PACS2: variants seen among roughly 807,000 people sequenced by gnomAD.
The protein encoded by PACS2 is phosphofurin acidic cluster sorting protein 2.
A neutral mutation model predicts 113.0 loss-of-function variants in PACS2; 36 were observed. That is an observed-to-expected ratio of 0.32 (90% CI 0.24 to 0.42). The LOEUF is 0.42. Ranked by LOEUF, PACS2 falls within the 10% of genes least tolerant of loss-of-function variation. PACS2 has a pLI of 1.00. For synonymous variants in PACS2, 589 were observed against 536.1 expected, an observed-to-expected ratio of 1.10 and a Z score of -1.36; for missense variants, 1,015 against 1,239.5, an observed-to-expected ratio of 0.82 and a Z score of 2.72.
intron 7 of PACS2, 70 bp downstream of exon 7, chr14:105,368,609 T>G (rs2141152443): frequency 1.7e-6 from 2 of 1,195,302 alleles, no homozygotes; most frequent in Non-Finnish European, 2.5e-6. Flanking sequence ...AGCCTGGGCG[T>G]GGGGGGGACA....
chr14:105,334,421 T>C (rs2059423741), intron 1 of PACS2, among the ~76,000 whole-genome samples: 1 of 152,200 alleles, frequency 6.6e-6, no homozygotes, highest in South Asian at 2.1e-4. Flanking sequence ...CTTCACCCTC[T>C]TCCCTCTGTC....
At chr14:105,368,373 C>T in intron 6 of PACS2, 86 bp from the exon 7 acceptor site, 2 of 1,078,910 alleles carry the variant, frequency 1.9e-6, no homozygotes, top group East Asian at 2.4e-5. Flanking sequence ...TGCCGGGCCT[C>T]TCCCATCGCC....
intron 1 of PACS2, among the ~76,000 whole-genome samples, chr14:105,343,901 T>C (rs782052650): frequency 6.6e-6 from 1 of 151,826 alleles, no homozygotes; most frequent in Non-Finnish European, 1.5e-5. Flanking sequence ...AGTTCATATA[T>C]TTATATATTC....
chr14:105,385,122 C>T, intron 18 of PACS2, 135 bp downstream of exon 18: 1 of 653,248 alleles, frequency 1.5e-6, no homozygotes, highest in South Asian at 1.8e-5. Context: ...GAGCCTGGGC[C>T]AGCTGGGCAG....
intron 22 of PACS2, 184 bp downstream of exon 22, chr14:105,391,950 T>C: frequency 3.3e-6 from 2 of 599,824 alleles, no homozygotes; most frequent in Non-Finnish European, 5.8e-6. Context: ...GATCTGGTGT[T>C]TGGGGGCAGG....
intron 1 of PACS2, among the ~76,000 whole-genome samples, chr14:105,327,637 C>CA (rs1181484433): frequency 6.6e-6 from 1 of 152,220 alleles, no homozygotes; most frequent in Admixed American, 6.5e-5. Flanking sequence ...GTGGCAGGGG[C>CA]AGAGGACAGC....
At chr14:105,362,777 G>A (rs2060778479) in intron 4 of PACS2, among the ~76,000 whole-genome samples, 1 of 151,998 alleles carries the variant, frequency 6.6e-6, no homozygotes, top group Non-Finnish European at 1.5e-5. Flanking sequence ...CTTGAACCTG[G>A]GAGGCAGAGG....
At chr14:105,341,698 C>G (rs1555401623) in intron 1 of PACS2, among the ~76,000 whole-genome samples, 2 of 152,130 alleles carry the variant, frequency 1.3e-5, no homozygotes, top group Non-Finnish European at 2.9e-5. Flanking sequence ...TCTTTTTATT[C>G]CTTATTTTAT....
At chr14:105,350,889 G>T (rs1453835231) in intron 2 of PACS2, among the ~76,000 whole-genome samples, 1 of 152,238 alleles carries the variant, frequency 6.6e-6, no homozygotes, top group Non-Finnish European at 1.5e-5. Flanking sequence ...GAGGGGACAG[G>T]AGGGCTGGCC....
intron 8 of PACS2, chr14:105,374,819 T>C (rs1555410055): frequency 6.6e-6 from 1 of 152,242 alleles, no homozygotes; most frequent in Non-Finnish European, 1.5e-5. Flanking sequence ...GAAACACACC[T>C]TGTGGTGAAG....
intron 1 of PACS2, among the ~76,000 whole-genome samples, chr14:105,341,228 T>C (rs1468522799): frequency 1.3e-5 from 2 of 152,252 alleles, no homozygotes; most frequent in Non-Finnish European, 2.9e-5. Context: ...GAACTTTTCC[T>C]GTATGCCTCT....
rs1318601876 is a variant in PACS2, at chr14:105,348,361, C to T, written c.120-132C>T. The stretch of plus-strand genomic sequence containing the variant: ...TTGGAGCCCTGTGAGGTCCTGGGGC[C>T]GCCCAGGCAGTCACACCCCGCCCTG... On this transcript the variant is annotated intron_variant, in intron 1 of 24. Transcript: ENST00000447393. The surrounding 1 kb of genome is among the most constrained non-coding windows in gnomAD (Gnocchi z 6.4). The T allele has an allele frequency of 1.3e-5, 8 of 636,652 alleles. No homozygotes were observed. The highest frequency in any genetic ancestry group is 2.7e-5 in the Admixed American group (1 of 37,016). 39.4% of individuals were successfully genotyped at this position (636,652 alleles called of 1,614,324 possible).
intron 8 of PACS2, among the ~76,000 whole-genome samples, chr14:105,375,297 G>T (rs782655866): frequency 1.1e-4 from 17 of 152,086 alleles, no homozygotes; most frequent in Non-Finnish European, 2.2e-4. Context: ...GGCTAACACG[G>T]TGAAACCCCA....
At chr14:105,391,071 G>A (rs782553007) in intron 20 of PACS2, 136 bp from the exon 21 acceptor site, 15 of 690,758 alleles carry the variant, frequency 2.2e-5, no homozygotes, top group Non-Finnish European at 3.7e-5. Flanking sequence ...AGAAGGGCAG[G>A]AGGGAGCTGG....
chr14:105,357,077 C>T lies in PACS2; in HGVS notation c.423+1900C>T, dbSNP rs1438418001. 3.3e-5 allele frequency among the ~76,000 whole-genome samples: 5 copies of T among 152,180 alleles called. No individual in the cohort carries two copies. The highest frequency in any genetic ancestry group is 6.5e-5 in the Admixed American group (1 of 15,280). On this transcript the variant is annotated intron_variant, in intron 4 of 24. Coordinates refer to ENST00000447393, the MANE Select transcript of PACS2 (RefSeq NM_001100913.3). This position sits in a 1 kb window ranked among gnomAD's most constrained non-coding sequence, Gnocchi z 5.1. ...TGTGAGCTCCTGCCCCAGGCTGCTC[C>T]GCCCACATCTCTCAGTCTGCACCCC...
At position 105,396,059 on chromosome 14, in the gene PACS2, C is replaced by G. The variant is rs2081520065; in HGVS notation, c.*1387C>G. ...CCACCCTTGCTGGCCTGAGAGATGG[C>G]CCACATTTCTTACTTGTGACCGCCC... is the stretch of plus-strand genomic sequence containing the variant. On this transcript the variant is annotated 3_prime_UTR_variant, in exon 25 of 25. Transcript: ENST00000447393. The G allele has an allele frequency of 6.6e-6, 1 of 152,292 alleles. No homozygotes were observed. The highest frequency in any genetic ancestry group is 2.1e-4 in the South Asian group (1 of 4,838). The allele number at this position is 152,292 out of a possible 1,614,324, so 9.4% of individuals were successfully genotyped here. A position where few individuals can be genotyped will look rare whatever the true frequency, so the allele number is the denominator to read the frequency against.
rs587709709 is a variant in PACS2 at position 105,377,083 on chromosome 14, G to A, written c.959+158G>A. ...GGCTCTGGTGGCTGGAAGGAGGGGT[G>A]TGCGGCTGCCTGGCAGGCCCAGGCT... is the stretch of plus-strand genomic sequence containing the variant. On this transcript the variant is annotated intron_variant, in intron 9 of 24. Transcript: ENST00000447393. 1.7e-3 allele frequency among the ~76,000 whole-genome samples: 260 copies of A among 152,344 alleles called. 1 individual carries two copies. Among genetic ancestry groups the A allele is most frequent in the African/African-American group, 5.9e-3 (246 of 41,586 alleles).
upstream of PACS2, among the ~76,000 whole-genome samples, chr14:105,314,103 T>A (rs1397688717): frequency 6.6e-6 from 1 of 152,058 alleles, no homozygotes; most frequent in Non-Finnish European, 1.5e-5. Flanking sequence ...GCGCCCCGAG[T>A]GGCTTCGAGT....
intron 1 of PACS2, among the ~76,000 whole-genome samples, chr14:105,344,385 A>G (rs1294661460): frequency 6.6e-6 from 1 of 151,944 alleles, no homozygotes; most frequent in Admixed American, 6.6e-5. Context: ...CTGCCTCCCC[A>G]GTTCAAGTGA....
Sources: gnomAD v4.1 joint callset for allele counts (sites outside exome capture counted in the v4.1 genomes callset) on GRCh38, gnomAD v4.1.1 for gene constraint, Gnocchi (gnomAD v3.1) non-coding constraint, MANE v1.5 for transcripts, NCBI Gene and HGNC (gene_info 2026-07-23, HGNC 2026-07-21) for gene names.